Variants in RBFOX1 observed in about 807,000 individuals in gnomAD.
RBFOX1 encodes the protein RNA binding protein fox-1 homolog 1.
Under a neutral mutation model 57.7 loss-of-function variants are expected in RBFOX1, and 8 were observed. The ratio of observed to expected loss-of-function variants is 0.14; its 90% CI spans 0.08 to 0.25. The LOEUF is 0.25. Ranked by LOEUF, RBFOX1 falls within the 10% of genes least tolerant of loss-of-function variation. RBFOX1 has a pLI of 1.00. For synonymous variants in RBFOX1, 326 were observed against 222.4 expected, an observed-to-expected ratio of 1.47 and a Z score of -4.15; for missense variants, 611 against 548.5, an observed-to-expected ratio of 1.11 and a Z score of -1.14.
chr16:7,209,707 C>T (rs934164311), intron 4 of RBFOX1, among the ~76,000 whole-genome samples: 4 of 152,208 alleles, frequency 2.6e-5, no homozygotes, highest in African/African-American at 9.7e-5. Flanking sequence ...CCCTATATGC[C>T]TCCCTTCACT....
chr16:6,678,218 G>A (rs576658234), intron 3 of RBFOX1, among the ~76,000 whole-genome samples: 1 of 152,166 alleles, frequency 6.6e-6, no homozygotes, highest in Non-Finnish European at 1.5e-5. Context: ...CTGCCTCCTT[G>A]AGTTCAAGCA....
intron 1 of RBFOX1, among the ~76,000 whole-genome samples, chr16:6,222,128 A>G (rs1366082145): frequency 6.6e-6 from 1 of 152,158 alleles, no homozygotes; most frequent in Non-Finnish European, 1.5e-5. Context: ...GTCTTTCCAA[A>G]CAACTAGCCA....
At chr16:6,393,539 C>T (rs923279442) in intron 2 of RBFOX1, among the ~76,000 whole-genome samples, 27 of 152,158 alleles carry the variant, frequency 1.8e-4, no homozygotes, top group African/African-American at 6.5e-4. Context: ...GCATTCAAAT[C>T]CTTGAAGACC....
intron 2 of RBFOX1, among the ~76,000 whole-genome samples, chr16:5,487,488 G>C (rs1307708281): frequency 6.6e-6 from 1 of 152,138 alleles, no homozygotes; most frequent in Non-Finnish European, 1.5e-5. Context: ...GTGAGGACTT[G>C]GGTTCTTTTC....
intron 1 of RBFOX1, among the ~76,000 whole-genome samples, chr16:6,160,720 C>G (rs564776092): frequency 2.7e-3 from 404 of 152,298 alleles, no homozygotes; most frequent in African/African-American, 9.0e-3. Flanking sequence ...TGGCACCACT[C>G]CCATCTTGCC....
chr16:7,577,741 A>G (rs1241371411), intron 5 of RBFOX1, among the ~76,000 whole-genome samples: 1 of 152,174 alleles, frequency 6.6e-6, no homozygotes, highest in Non-Finnish European at 1.5e-5. Flanking sequence ...CAGGCTCTGC[A>G]AATAAAAATT....
chr16:5,458,964 C>T (rs2068711860), intron 1 of RBFOX1, among the ~76,000 whole-genome samples: 1 of 152,196 alleles, frequency 6.6e-6, no homozygotes, highest in Non-Finnish European at 1.5e-5. Context: ...GCTCTTTTCT[C>T]CTCCATCAAG....
chr16:5,816,302 T>C (rs1339020076), intron 3 of RBFOX1, among the ~76,000 whole-genome samples: 1 of 152,174 alleles, frequency 6.6e-6, no homozygotes. Flanking sequence ...GAAGATTCTC[T>C]AACTGCCAGT....
chr16:7,223,683 A>G (rs1020843113), intron 4 of RBFOX1, among the ~76,000 whole-genome samples: 4 of 148,648 alleles, frequency 2.7e-5, no homozygotes, highest in Non-Finnish European at 5.9e-5. Context: ...GTTGAATTAA[A>G]TTCCCCACTA....
chr16:7,494,423 C>T (rs1377491915), intron 4 of RBFOX1, among the ~76,000 whole-genome samples: 1 of 152,172 alleles, frequency 6.6e-6, no homozygotes, highest in East Asian at 1.9e-4. Context: ...TCTGCTCCCT[C>T]AACATGCTCC....
Position 5,714,866 on chromosome 16 carries a change from G to A in RBFOX1, c.318+115905G>A, listed in dbSNP as rs56095874. Among the ~76,000 whole-genome samples, 611 of 152,282 alleles carry A rather than the reference G, an allele frequency of 4.0e-3. 3 individuals carry two copies. The highest frequency in any genetic ancestry group is 0.012 in the African/African-American group (515 of 41,524). On this transcript the variant is annotated intron_variant, in intron 3 of 19. Transcript: ENST00000641259. ...TAGAGGAGCAGTGAGCCAAGGTCAC[G>A]TAGCTAGTAGACATCTCAGTGACTT...
intron 4 of RBFOX1, among the ~76,000 whole-genome samples, chr16:7,187,307 GTCCT>G (rs1425666353): frequency 1.3e-5 from 2 of 152,162 alleles, no homozygotes; most frequent in Non-Finnish European, 2.9e-5. Flanking sequence ...AAGTGCATCT[GTCCT>G]TCCTTAATCC....
Position 7,698,517 on chromosome 16 carries a change from C to A in RBFOX1, c.996-10539C>A, listed in dbSNP as rs537221597. On this transcript the variant is annotated intron_variant, in intron 14 of 15. Coordinates refer to ENST00000550418, the MANE Select transcript of RBFOX1 (RefSeq NM_018723.4). ...TCACCAGCGCCTTTCATTTTTCTAT[C>A]CCCACTTCTCAACCTACACATGCTG... Among the ~76,000 whole-genome samples, 353 of 152,072 alleles carry A rather than the reference C, an allele frequency of 2.3e-3. 3 individuals carry two copies. Among genetic ancestry groups the A allele is most frequent in the South Asian group, 7.7e-3 (37 of 4,802 alleles).
chr16:6,732,288 A>G (rs1001456089), intron 3 of RBFOX1, among the ~76,000 whole-genome samples: 1 of 152,194 alleles, frequency 6.6e-6, no homozygotes, highest in Non-Finnish European at 1.5e-5. Flanking sequence ...GTGAAATTCC[A>G]GCTCCAGAAT....
At chr16:7,489,320 A>T (rs1268285463) in intron 4 of RBFOX1, among the ~76,000 whole-genome samples, 1 of 152,198 alleles carries the variant, frequency 6.6e-6, no homozygotes, top group East Asian at 1.9e-4. Context: ...TGCCTGAGGT[A>T]CCTTTTGGCA....
chr16:5,753,542 C>T (rs900252778), intron 3 of RBFOX1, among the ~76,000 whole-genome samples: 2 of 152,198 alleles, frequency 1.3e-5, no homozygotes, highest in Non-Finnish European at 2.9e-5. Flanking sequence ...TAGGACCTCT[C>T]CTCCAGTGGT....
chr16:7,134,878 C>A (rs909766033), intron 4 of RBFOX1, among the ~76,000 whole-genome samples: 1 of 150,008 alleles, frequency 6.7e-6, no homozygotes, highest in Non-Finnish European at 1.5e-5. Flanking sequence ...TGTTAAATCA[C>A]TGTGAGGCAG....
At chr16:7,642,633 A>AG (rs2063034111) in intron 11 of RBFOX1, among the ~76,000 whole-genome samples, 1 of 152,174 alleles carries the variant, frequency 6.6e-6, no homozygotes, top group East Asian at 1.9e-4. Flanking sequence ...TGATTTAACA[A>AG]TTGAAACTTC....
intron 1 of RBFOX1, among the ~76,000 whole-genome samples, chr16:5,301,544 A>G (rs1015855358): frequency 6.1e-5 from 9 of 148,126 alleles, no homozygotes; most frequent in Non-Finnish European, 1.0e-4. Flanking sequence ...GCGTGAACCC[A>G]GGAGGCAGAG....
Sources: gnomAD v4.1 joint callset for allele counts (sites outside exome capture counted in the v4.1 genomes callset) on GRCh38, gnomAD v4.1.1 for gene constraint, MANE v1.5 for transcripts, NCBI Gene and HGNC (gene_info 2026-07-23, HGNC 2026-07-21) for gene names.